SEZ6L2: variants seen among roughly 807,000 people sequenced by gnomAD.
SEZ6L2 encodes the protein seizure 6-like protein 2.
A neutral mutation model predicts 97.0 loss-of-function variants in SEZ6L2; 44 were observed. That is an observed-to-expected ratio of 0.45 (90% CI 0.36 to 0.58). The LOEUF (loss-of-function observed/expected upper bound fraction) is 0.58. Ranked by LOEUF, SEZ6L2 falls within the 20% of genes least tolerant of loss-of-function variation. The pLI is 0.00. For missense variants in SEZ6L2, 1,086 were observed against 1,233.3 expected, an observed-to-expected ratio of 0.88 and a Z score of 1.79; for synonymous variants, 543 against 546.1, an observed-to-expected ratio of 0.99 and a Z score of 0.08.
chr16:29,884,887 T>C (rs559769532), intron 8 of SEZ6L2, among the ~76,000 whole-genome samples: 8 of 150,404 alleles, frequency 5.3e-5, no homozygotes, highest in Middle Eastern at 3.5e-3. Context: ...CACCCCAGCC[T>C]GGGCAACAAG....
At chr16:29,888,976 A>G (rs1178801192) in intron 5 of SEZ6L2, among the ~76,000 whole-genome samples, 2 of 152,002 alleles carry the variant, frequency 1.3e-5, no homozygotes, top group African/African-American at 4.8e-5. Context: ...TTTATAGATG[A>G]GGTATCTGAG....
In SEZ6L2 at chr16:29,879,967, C is replaced by T. The variant is rs145246622; in HGVS notation, c.1470G>A (p.Ser490=). The T allele has an allele frequency of 1.4e-5, 22 of 1,614,124 alleles. No individual in the cohort carries two copies. Among genetic ancestry groups the T allele is most frequent in the African/African-American group, 6.7e-5 (5 of 75,016 alleles). The change falls in exon 9 of 18, where the codon TCG becomes TCA. Residue 490 remains serine (S), a synonymous_variant. Transcript: ENST00000617533. ...EYRPGALATF[S]CLPGYALEPP... ...GCTCCAGGGCATATCCTGGGAGGCACGAGAAGGTTGCCAGTGCCCCTGGGC... is the reference window on the plus strand; with the variant it reads ...GCTCCAGGGCATATCCTGGGAGGCATGAGAAGGTTGCCAGTGCCCCTGGGC...
At chr16:29,893,436 C>A (rs1185121206) in intron 5 of SEZ6L2, among the ~76,000 whole-genome samples, 1 of 151,996 alleles carries the variant, frequency 6.6e-6, no homozygotes. Context: ...CACTTGAGGT[C>A]AGGAGTTCGA....
At position 29,887,805 on chromosome 16, in the gene SEZ6L2, C is replaced by A. The variant is rs550674684; in HGVS notation, c.1052G>T (p.Gly351Val). Reference sequence around the variant, plus strand: ...GCCCAGGGTGGCATTGTGGATGGTGCCACCACAGGATGCTGTGGGCAGAGG... The same window carrying A: ...GCCCAGGGTGGCATTGTGGATGGTGACACCACAGGATGCTGTGGGCAGAGG... ...ETPSCMASCG[G>V]TIHNATLGRI... The change falls in exon 7 of 18, where the codon GGC (glycine) becomes GTC (valine). Residue 351 changes from glycine to valine, a missense_variant. By Grantham distance (109) the Gly-to-Val change is moderately radical. Transcript: ENST00000617533. The A allele has an allele frequency of 2.5e-6, 4 of 1,613,676 alleles. No homozygotes were observed. Among genetic ancestry groups the A allele is most frequent in the Non-Finnish European group, 2.5e-6 (3 of 1,179,928 alleles).
intron 6 of SEZ6L2, among the ~76,000 whole-genome samples, 199 bp from the exon 7 acceptor site, chr16:29,888,016 C>T (rs544256891): frequency 1.1e-4 from 17 of 152,280 alleles, no homozygotes; most frequent in African/African-American, 1.7e-4. Context: ...AGCCCCGGTA[C>T]GGGAGAACCC....
intron 8 of SEZ6L2, 88 bp downstream of exon 8, chr16:29,885,498 C>T: frequency 7.2e-7 from 1 of 1,398,312 alleles, no homozygotes; most frequent in Non-Finnish European, 1.0e-6. Flanking sequence ...GATGAACAGG[C>T]ATAGAGTTTG....
intron 5 of SEZ6L2, among the ~76,000 whole-genome samples, chr16:29,890,923 ATT>A (rs1270813055): frequency 6.7e-6 from 1 of 150,156 alleles, no homozygotes; most frequent in East Asian, 2.0e-4. Context: ...TAATTTTGGT[ATT>A]TTTATTATTA....
intron 3 of SEZ6L2, among the ~76,000 whole-genome samples, chr16:29,896,211 G>T (rs2068384978): frequency 6.6e-6 from 1 of 152,118 alleles, no homozygotes. Flanking sequence ...CGATCCTCCT[G>T]CCTTGGCCTC....
intron 2 of SEZ6L2, 91 bp from the exon 3 acceptor site, chr16:29,897,212 T>C (rs940128554): frequency 2.2e-5 from 25 of 1,142,350 alleles, no homozygotes; most frequent in Non-Finnish European, 2.8e-5. Flanking sequence ...GGGGTTCCCC[T>C]GCCATACCAC....
chr16:29,877,041 G>A (rs1010783882), intron 11 of SEZ6L2, 91 bp from the exon 12 acceptor site: 74 of 1,334,758 alleles, frequency 5.5e-5, no homozygotes, highest in Middle Eastern at 2.3e-4. Flanking sequence ...CCCCTCCCGG[G>A]ATCTGTCTCT....
chr16:29,880,172 T>TC, intron 8 of SEZ6L2, 108 bp from the exon 9 acceptor site: 1 of 987,648 alleles, frequency 1.0e-6, no homozygotes, highest in South Asian at 1.7e-5. Context: ...CACTGGGCTT[T>TC]TTTTTTTTTT....
chr16:29,897,152 G>A (rs1034396801), intron 2 of SEZ6L2, 31 bp from the exon 3 acceptor site: 3 of 1,495,564 alleles, frequency 2.0e-6, no homozygotes, highest in Non-Finnish European at 8.9e-7. Flanking sequence ...TCAGAGCACA[G>A]GAGGAGCACA....
At position 29,877,317 on chromosome 16, in the gene SEZ6L2, C is replaced by T. The variant is rs780352975; in HGVS notation, c.1863G>A (p.Gly621=). 5.0e-6 allele frequency: 8 copies of T among 1,610,834 alleles called. No individual in the cohort carries two copies. The highest frequency in any genetic ancestry group is 6.8e-6 in the Non-Finnish European group (8 of 1,178,520). Reference sequence around the variant, plus strand: ...CCTGGCCCAGGCCTGGATTTGGGGGCCCGGGCGGTGCCTGAAACTGCAGTG... The same window carrying T: ...CCTGGCCCAGGCCTGGATTTGGGGGTCCGGGCGGTGCCTGAAACTGCAGTG... The part of the protein sequence containing the change: ...DLTLQFQAPP[G]PPNPGLGQGF... The change falls in exon 11 of 18, where the codon GGG becomes GGA. Residue 621 remains glycine (G), a synonymous_variant. Coordinates refer to ENST00000617533, the MANE Select transcript of SEZ6L2 (RefSeq NM_001243332.2).
At chr16:29,885,251 G>T (rs1259368554) in intron 8 of SEZ6L2, among the ~76,000 whole-genome samples, 1 of 152,046 alleles carries the variant, frequency 6.6e-6, no homozygotes, top group Non-Finnish European at 1.5e-5. Flanking sequence ...TAAGTTGGTG[G>T]TATGTAAGTC....
intron 4 of SEZ6L2, 73 bp from the exon 5 acceptor site, chr16:29,895,533 C>T: frequency 6.5e-7 from 1 of 1,538,110 alleles, no homozygotes; most frequent in Non-Finnish European, 8.9e-7. Context: ...CTGTCCTGTG[C>T]CTTTGCCCTG....
chr16:29,871,691 C>A lies in SEZ6L2; in HGVS notation c.*8G>T. 2 of 1,608,710 alleles carry A rather than the reference C, an allele frequency of 1.2e-6. No homozygotes were observed. Among genetic ancestry groups the A allele is most frequent in the East Asian group, 2.2e-5 (1 of 44,722 alleles). On this transcript the variant is annotated 3_prime_UTR_variant, in exon 18 of 18. Transcript: ENST00000617533. ...GCGTCCTGGGTCCTGCAGCTGTAGT[C>A]TTGGGGTTCAGATGGAAACTTCATA...
intron 8 of SEZ6L2, among the ~76,000 whole-genome samples, chr16:29,880,509 C>T (rs1171546677): frequency 5.3e-5 from 8 of 152,124 alleles, no homozygotes; most frequent in Non-Finnish European, 7.4e-5. Flanking sequence ...TTAGTAGAGA[C>T]GGGGTTTCTC....
rs74017647 is a variant in SEZ6L2 at position 29,895,443 on chromosome 16, C to G, written c.669G>C (p.Leu223=). 2.2e-3 allele frequency: 3,539 copies of G among 1,614,082 alleles called. 64 individuals carry two copies. The African/African-American group carries it at 0.042, about 19-fold the overall frequency. Residue 223 remains leucine, a synonymous_variant, in exon 5 of 18, where the codon CTG becomes CTC. Coordinates refer to ENST00000617533, the MANE Select transcript of SEZ6L2 (RefSeq NM_001243332.2). The part of the protein sequence containing the change: ...GIEIQVQTLN[L]SQEEELLVLA... The stretch of plus-strand genomic sequence containing the variant: ...GCACCAGGAGCTCCTCTTCCTGTGA[C>G]AGGTTCAGCGTCTGCACCTAGAGAA...
At chr16:29,887,924 A>T in intron 6 of SEZ6L2, 107 bp from the exon 7 acceptor site, 1 of 1,270,824 alleles carries the variant, frequency 7.9e-7, no homozygotes, top group Non-Finnish European at 1.1e-6. Flanking sequence ...TTTGGCTGGG[A>T]CCCGGCCCAG....
Sources: gnomAD v4.1 joint callset for allele counts (sites outside exome capture counted in the v4.1 genomes callset) on GRCh38, gnomAD v4.1.1 for gene constraint, MANE v1.5 for transcripts, NCBI Gene and HGNC (gene_info 2026-07-23, HGNC 2026-07-21) for gene names.